The following GALNT13 variants were observed in gnomAD, a reference collection of about 807,000 sequenced individuals.
GALNT13 encodes the protein polypeptide N-acetylgalactosaminyltransferase 13.
A neutral mutation model predicts 64.2 loss-of-function variants in GALNT13; 28 were observed. The observed-to-expected ratio is 0.44, with a 90% CI of 0.32 to 0.60. GALNT13 has a LOEUF of 0.60. GALNT13 is among the 20% of genes least tolerant of loss of function. The pLI is 0.05. For synonymous variants in GALNT13, 214 were observed against 224.6 expected (o/e 0.95, Z 0.42); for missense variants, 577 against 669.8 (o/e 0.86, Z 1.53).
the GALNT13 span, among the ~76,000 whole-genome samples, chr2:153,510,481 C>T: frequency 5.3e-5 from 8 of 152,140 alleles, no homozygotes; most frequent in African/African-American, 1.4e-4. Context: ...GAAACAAACA[C>T]GTATATAAAG....
chr2:154,064,985 G>T (rs1700385702), intron 3 of GALNT13, among the ~76,000 whole-genome samples: 1 of 152,064 alleles, frequency 6.6e-6, no homozygotes, highest in Non-Finnish European at 1.5e-5. Context: ...TGTGCCTTGA[G>T]CCACAGGGGA....
the GALNT13 span, among the ~76,000 whole-genome samples, chr2:153,325,123 T>G: frequency 6.9e-6 from 1 of 144,630 alleles, no homozygotes; most frequent in Non-Finnish European, 1.5e-5. Flanking sequence ...GGTTTTTTTT[T>G]TTTTTTTTTT....
At chr2:153,131,098 T>C in the GALNT13 span, among the ~76,000 whole-genome samples, 6 of 152,300 alleles carry the variant, frequency 3.9e-5, no homozygotes, top group East Asian at 7.7e-4. Flanking sequence ...ATTCTATTGT[T>C]AAATATTAAT....
the GALNT13 span, among the ~76,000 whole-genome samples, chr2:153,349,324 T>C: frequency 6.6e-6 from 1 of 152,240 alleles, no homozygotes; most frequent in Non-Finnish European, 1.5e-5. Flanking sequence ...GATTACATGA[T>C]GGGCATGCAA....
chr2:153,084,761 C>A, the GALNT13 span, among the ~76,000 whole-genome samples: 57 of 152,290 alleles, frequency 3.7e-4, 1 homozygote, highest in Admixed American at 1.1e-3. Context: ...TCTATTAAAT[C>A]TCTTTTCTTT....
At chr2:154,115,325 T>C (rs775580996) in intron 3 of GALNT13, among the ~76,000 whole-genome samples, 1 of 152,184 alleles carries the variant, frequency 6.6e-6, no homozygotes, top group Non-Finnish European at 1.5e-5. Flanking sequence ...TATTATACTT[T>C]AAGTTTTAGG....
At chr2:154,246,690 T>C (rs1689799556) in intron 7 of GALNT13, among the ~76,000 whole-genome samples, 1 of 152,090 alleles carries the variant, frequency 6.6e-6, no homozygotes, top group Non-Finnish European at 1.5e-5. Flanking sequence ...TATTCACTAG[T>C]TTAGTTCTTT....
At chr2:153,371,142 C>A in the GALNT13 span, 1 of 153,440 alleles carries the variant, frequency 6.5e-6, no homozygotes, top group Non-Finnish European at 1.5e-5. Context: ...AATTTAACAT[C>A]CATTTATGAT....
chr2:154,367,211 A>G (rs1036421492), intron 9 of GALNT13, among the ~76,000 whole-genome samples: 4 of 152,224 alleles, frequency 2.6e-5, no homozygotes, highest in Non-Finnish European at 4.4e-5. Context: ...AAGCAAGATC[A>G]TTCTAAAAAT....
At chr2:153,682,173 T>G in the GALNT13 span, among the ~76,000 whole-genome samples, 17 of 151,912 alleles carry the variant, frequency 1.1e-4, no homozygotes, top group African/African-American at 3.9e-4. Context: ...CCCCATAAAT[T>G]ATTTATTCCT....
At chr2:153,082,660 C>CACAT in the GALNT13 span, among the ~76,000 whole-genome samples, 1,111 of 89,670 alleles carry the variant, frequency 0.012, 99 homozygotes, top group Non-Finnish European at 0.016. Flanking sequence ...CACACACACA[C>CACAT]ACACATATAT....
downstream of GALNT13, chr2:154,454,693 T>A (rs1370515661): frequency 6.6e-6 from 1 of 152,130 alleles, no homozygotes; most frequent in Admixed American, 6.6e-5. Context: ...TTAGAAATAT[T>A]TAAATTCTTA....
At chr2:154,166,982 T>TG (rs1210589596) in intron 4 of GALNT13, among the ~76,000 whole-genome samples, 2 of 139,194 alleles carry the variant, frequency 1.4e-5, no homozygotes, top group African/African-American at 2.7e-5. Context: ...TGTTGTGGGG[T>TG]GGGGGGAGTG....
At chr2:154,150,665 T>C (rs1034778232) in intron 4 of GALNT13, among the ~76,000 whole-genome samples, 1 of 152,212 alleles carries the variant, frequency 6.6e-6, no homozygotes, top group Non-Finnish European at 1.5e-5. Context: ...TGGGAGAGTG[T>C]TTGTGTCGAG....
At chr2:153,829,190 A>G in the GALNT13 span, among the ~76,000 whole-genome samples, 4 of 151,996 alleles carry the variant, frequency 2.6e-5, no homozygotes, top group Admixed American at 1.3e-4. Context: ...TTGTTACCCA[A>G]TTCAAAAGTC....
intron 9 of GALNT13, among the ~76,000 whole-genome samples, chr2:154,346,909 ATTG>A (rs1165668868): frequency 1.3e-5 from 2 of 152,098 alleles, no homozygotes; most frequent in Non-Finnish European, 2.9e-5. Context: ...TTGATACATA[ATTG>A]TTGTATACAG....
chr2:153,701,361 C>T, the GALNT13 span, among the ~76,000 whole-genome samples: 1 of 152,290 alleles, frequency 6.6e-6, no homozygotes, highest in African/African-American at 2.4e-5. Context: ...GGATTAAAGA[C>T]TTAAATGTAA....
the GALNT13 span, among the ~76,000 whole-genome samples, chr2:153,291,518 C>G: frequency 6.6e-6 from 1 of 152,030 alleles, no homozygotes; most frequent in Non-Finnish European, 1.5e-5. Context: ...TTTCCTTGCT[C>G]TGGTCAGTGC....
the GALNT13 span, among the ~76,000 whole-genome samples, chr2:153,560,361 T>G: frequency 6.6e-6 from 1 of 152,090 alleles, no homozygotes. Context: ...TTCTTGTACC[T>G]GATTACTTAA....
Sources: allele counts gnomAD v4.1 joint callset (sites outside exome capture counted in the v4.1 genomes callset), GRCh38; gene constraint gnomAD v4.1.1; transcripts MANE v1.5; gene names NCBI Gene and HGNC (gene_info 2026-07-23, HGNC 2026-07-21).